The following HPN variants were observed in gnomAD, a reference collection of about 807,000 sequenced individuals.
HPN encodes the protein serine protease hepsin.
In HPN, 13 loss-of-function variants were observed where a neutral mutation model predicts 55.9. That is an observed-to-expected ratio of 0.23 (90% CI 0.15 to 0.37). The LOEUF (loss-of-function observed/expected upper bound fraction) is 0.37, where lower values mean the gene tolerates loss of function less well. Among genes scored for constraint, HPN ranks in the 10% least tolerant of loss-of-function variants. The pLI is 1.00. For missense variants in HPN, 451 were observed against 575.8 expected (o/e 0.78, Z 2.22); for synonymous variants, 225 against 240.3 (o/e 0.94, Z 0.59).
intron 4 of HPN, among the ~76,000 whole-genome samples, chr19:35,055,352 G>A (rs1230768650): frequency 6.6e-6 from 1 of 151,532 alleles, no homozygotes; most frequent in Non-Finnish European, 1.5e-5. Context: ...AGCTATGATC[G>A]TGCCACTGCA....
chr19:35,062,670 C>G (rs1181778757), intron 9 of HPN, among the ~76,000 whole-genome samples: 2 of 152,104 alleles, frequency 1.3e-5, no homozygotes, highest in East Asian at 3.9e-4. Flanking sequence ...ATCGCTTGAG[C>G]TCAGGAGTTC....
rs1349868053 is a variant in HPN at position 35,060,691 on chromosome 19, G to T, written c.685G>T (p.Gly229Cys). Residue 229 changes from glycine (G) to cysteine (C), a missense_variant, in exon 9 of 13, where the codon GGT (glycine) becomes TGT (cysteine). Around this residue, in one of 2 missense-constraint regions of HPN, gnomAD observed 378 missense variants for 445.5 expected, o/e 0.85. Coordinates refer to ENST00000672452, the MANE Select transcript of HPN (RefSeq NM_001384133.1). ...TGCCGTGGCCCAGGCCTCTCCCCAC[G>T]GTCTGCAGCTGGGGGTGCAGGCTGT... ...AGAVAQASPH[G>C]LQLGVQAVVY... 1.9e-6 allele frequency: 3 copies of T among 1,614,196 alleles called. No individual in the cohort carries two copies. Among genetic ancestry groups the T allele is most frequent in the Non-Finnish European group, 8.5e-7 (1 of 1,180,030 alleles).
In HPN at chr19:35,050,609, C is replaced by G. The variant is rs2064393889; in HGVS notation, c.160+1093C>G. ...CTGTGGGATGAATGAATGAATCTTC[C>G]CAAATGCCAACTTCAAGCTGCCATT... On this transcript the variant is annotated intron_variant, in intron 4 of 12. Coordinates refer to ENST00000672452, the MANE Select transcript of HPN (RefSeq NM_001384133.1). 5.8e-6 allele frequency: 6 copies of G among 1,040,006 alleles called. No individual in the cohort carries two copies. The South Asian group carries it at 8.6e-5, about 15-fold the overall frequency. 64.4% of individuals were successfully genotyped at this position (1,040,006 alleles called of 1,614,324 possible).
At position 35,051,852 on chromosome 19, in the gene HPN, G is replaced by A. The variant is rs186619151; in HGVS notation, c.160+2336G>A. ...CCCAGTGAAGCAAACTGACTTGCCC[G>A]AGGCTGACCACACATCAGAGACAGA... On this transcript the variant is annotated intron_variant, in intron 4 of 12. Transcript: ENST00000672452. 2.3e-4 allele frequency among the ~76,000 whole-genome samples: 35 copies of A among 152,250 alleles called. 1 individual carries two copies. In the East Asian group the frequency reaches 6.4e-3, roughly 28 times the overall value.
At chr19:35,052,795 C>T (rs1342017552) in intron 4 of HPN, among the ~76,000 whole-genome samples, 1 of 152,118 alleles carries the variant, frequency 6.6e-6, no homozygotes, top group Non-Finnish European at 1.5e-5. Context: ...GTGCCTGGCA[C>T]ATAGTAGGTT....
intron 4 of HPN, among the ~76,000 whole-genome samples, chr19:35,052,151 C>A (rs2064411780): frequency 6.6e-6 from 1 of 152,196 alleles, no homozygotes; most frequent in African/African-American, 2.4e-5. Flanking sequence ...TCCCACCAGT[C>A]CCTACTCTCT....
intron 2 of HPN, among the ~76,000 whole-genome samples, chr19:35,046,365 T>C (rs900660293): frequency 1.3e-4 from 20 of 151,272 alleles, no homozygotes; most frequent in African/African-American, 4.6e-4. Flanking sequence ...CTGCCTCAGC[T>C]TCCCGAGTAG....
intron 4 of HPN, 38 bp from the exon 5 acceptor site, chr19:35,059,635 G>A (rs767750921): frequency 6.4e-7 from 1 of 1,566,554 alleles, no homozygotes; most frequent in South Asian, 1.2e-5. Context: ...GAGCCTGGCT[G>A]TGGGACCCAG....
chr19:35,048,006 AAAAG>A lies in HPN; in HGVS notation c.17-1278_17-1275del, dbSNP rs200246122. On this transcript the variant is annotated intron_variant, in intron 2 of 12. Transcript: ENST00000672452. ...CCCTGTCTCAAAAAAAAAAAAAAGA[AAAAG>A]AAAGAGAGAGAGAGAGAAAAAGAAA... Among the ~76,000 whole-genome samples the A allele has an allele frequency of 3.3e-3, 424 of 126,970 alleles. 5 individuals carry two copies. The highest frequency in any genetic ancestry group is 5.6e-3 in the Non-Finnish European group (332 of 59,076). The allele number at this position is 126,970 out of a possible 152,430, so 83.3% of individuals were successfully genotyped here.
intron 2 of HPN, among the ~76,000 whole-genome samples, chr19:35,042,978 C>G (rs974283188): frequency 7.9e-5 from 12 of 152,160 alleles, no homozygotes; most frequent in African/African-American, 2.7e-4. Flanking sequence ...AGCATGGATA[C>G]CAGTCCTCCC....
chr19:35,045,113 T>C (rs1242976613), intron 2 of HPN, among the ~76,000 whole-genome samples: 1 of 152,008 alleles, frequency 6.6e-6, no homozygotes, highest in Non-Finnish European at 1.5e-5. Context: ...GAAAGGTATT[T>C]AAAAGGTATT....
chr19:35,065,453 C>T (rs2305747), intron 10 of HPN, 86 bp from the exon 11 acceptor site: 1,120,587 of 1,563,096 alleles, frequency 0.72, 409,062 homozygotes, highest in Admixed American at 0.83. Flanking sequence ...GGAGTAGGGA[C>T]GCTGAGGGGA....
chr19:35,065,540 C>A lies in HPN; in HGVS notation c.909C>A (p.Gly303=), dbSNP rs2151771716. 1.9e-6 allele frequency: 3 copies of A among 1,613,874 alleles called. No individual in the cohort carries two copies. The highest frequency in any genetic ancestry group is 2.5e-6 in the Non-Finnish European group (3 of 1,179,936). Residue 303 remains glycine, a splice_region_variant and synonymous_variant, in exon 11 of 13, where the codon GGC becomes GGA. Transcript: ENST00000672452. ...VTGWGNTQYY[G]QQAGVLQEAR... Reference sequence around the variant, plus strand: ...CCAGCCTTGCCTGCACACCCCCAGGCCAACAGGCCGGGGTACTCCAGGAGG... The same window carrying A: ...CCAGCCTTGCCTGCACACCCCCAGGACAACAGGCCGGGGTACTCCAGGAGG...
Position 35,060,154 on chromosome 19 carries a change from G to A in HPN, c.439G>A (p.Ala147Thr), listed in dbSNP as rs764666770. 42 of 1,614,110 alleles carry A rather than the reference G, an allele frequency of 2.6e-5. No individual in the cohort carries two copies. In the South Asian group the frequency reaches 4.1e-4, roughly 16 times the overall value. Reference protein sequence around the residue: ...VCDCPRGRFLAAICQDCGRRK... With the variant: ...VCDCPRGRFLTAICQDCGRRK... ...TGATTGCCCCAGAGGCCGTTTCTTG[G>A]CCGCCATCTGCCAAGGTGAGATCCT... The change falls in exon 7 of 13, where the codon GCC becomes ACC. Residue 147 changes from alanine (A) to threonine (T), a missense_variant. Around this residue, in one of 2 missense-constraint regions of HPN, gnomAD observed 378 missense variants for 445.5 expected, o/e 0.85. Transcript: ENST00000672452.
Position 35,049,326 on chromosome 19 carries a change from T to C in HPN, c.53T>C (p.Val18Ala), listed in dbSNP as rs1347186627. ...GTGCCATGCTGCTCCAGACCCAAGG[T>C]GGCAGCTCTCACTGCGGGGACCCTG... ...RTVPCCSRPKVAALTAGTLLL... is the reference protein window; with the variant it reads ...RTVPCCSRPKAAALTAGTLLL... Residue 18 changes from valine (V) to alanine (A), a missense_variant, in exon 3 of 13, where the codon GTG becomes GCG. Transcript: ENST00000672452. The C allele has an allele frequency of 6.3e-7, 1 of 1,593,440 alleles. No individual in the cohort carries two copies. The highest frequency in any genetic ancestry group is 1.1e-5 in the South Asian group (1 of 87,990).
chr19:35,052,933 G>T (rs751517991), intron 4 of HPN, among the ~76,000 whole-genome samples: 3 of 152,172 alleles, frequency 2.0e-5, no homozygotes, highest in African/African-American at 7.2e-5. Context: ...GCACCACGCC[G>T]CCACCCTGCA....
rs1489503172 is a variant in HPN, at chr19:35,043,441, T to C, written c.16+919T>C. ...CAACCAGGATAGCCGGGCTCAGTCC[T>C]GGGCAGTAGCACTTTCTAGCTGTGT... On this transcript the variant is annotated intron_variant, in intron 2 of 12. Transcript: ENST00000672452. Among the ~76,000 whole-genome samples the C allele has an allele frequency of 3.3e-5, 5 of 152,192 alleles. No individual in the cohort carries two copies. The East Asian group carries it at 9.6e-4, about 29-fold the overall frequency.
rs2064603853 is a variant in HPN, at chr19:35,065,917, C to T, written c.1100C>T (p.Pro367Leu). ...FVCEDSISRTPRWRLCGIVSW... is the reference protein window; with the variant it reads ...FVCEDSISRTLRWRLCGIVSW... ...TGTGAGGACAGCATCTCTCGGACGC[C>T]ACGTTGGCGGCTGTGTGGCATTGTG... The change falls in exon 12 of 13, where the codon CCA becomes CTA. Residue 367 changes from proline (P) to leucine (L), a missense_variant. Around this residue, in one of 2 missense-constraint regions of HPN, gnomAD observed 73 missense variants for 130.3 expected, o/e 0.56. Coordinates refer to ENST00000672452, the MANE Select transcript of HPN (RefSeq NM_001384133.1). 1 of 1,613,980 alleles carries T rather than the reference C, an allele frequency of 6.2e-7. No individual in the cohort carries two copies. The highest frequency in any genetic ancestry group is 1.3e-5 in the African/African-American group (1 of 74,928).
At chr19:35,055,519 G>T (rs1228243459) in intron 4 of HPN, among the ~76,000 whole-genome samples, 1 of 152,084 alleles carries the variant, frequency 6.6e-6, no homozygotes, top group African/African-American at 2.4e-5. Context: ...TTCAGGCTCA[G>T]GCCAAACCCC....
Sources: gnomAD v4.1 joint callset for allele counts (sites outside exome capture counted in the v4.1 genomes callset) on GRCh38, gnomAD v4.1.1 for gene constraint, gnomAD v4.1.1 regional missense constraint, MANE v1.5 for transcripts, NCBI Gene and HGNC (gene_info 2026-07-23, HGNC 2026-07-21) for gene names.